DRC10: variants seen among roughly 807,000 people sequenced by gnomAD.
DRC10 encodes the protein dynein regulatory complex subunit 10.
the DRC10 span, chr12:113,200,537 ACC>A: frequency 1.6e-6 from 1 of 609,396 alleles, no homozygotes; most frequent in Non-Finnish European, 2.8e-6. Flanking sequence ...CATCCCCCCC[ACC>A]AGGGGCCCCC....
chr12:113,219,335 CTA>C, the DRC10 span, among the ~76,000 whole-genome samples: 3 of 152,340 alleles, frequency 2.0e-5, no homozygotes, highest in African/African-American at 7.2e-5. Flanking sequence ...TGTGCCTGGC[CTA>C]TGTTTAACTT....
the DRC10 span, among the ~76,000 whole-genome samples, chr12:113,196,527 C>T: frequency 1.3e-5 from 2 of 152,204 alleles, no homozygotes; most frequent in African/African-American, 4.8e-5. Context: ...GCTGGGTGGA[C>T]AAAGTCCCTG....
chr12:113,200,834 G>C, the DRC10 span: 18 of 1,503,600 alleles, frequency 1.2e-5, no homozygotes, highest in African/African-American at 6.9e-5. Flanking sequence ...AAGAGAAAGG[G>C]CTCCGTTAAT....
At chr12:113,212,647 T>G in the DRC10 span, among the ~76,000 whole-genome samples, 1 of 152,276 alleles carries the variant, frequency 6.6e-6, no homozygotes. Flanking sequence ...AAACTTGTTT[T>G]CTTTGATTAT....
the DRC10 span, chr12:113,207,334 C>G: frequency 1.1e-6 from 1 of 946,058 alleles, no homozygotes; most frequent in South Asian, 1.3e-5. Flanking sequence ...GACAACAGAG[C>G]GAGACTCCAT....
At chr12:113,207,908 C>A in the DRC10 span, 1 of 1,614,178 alleles carries the variant, frequency 6.2e-7, no homozygotes, top group Non-Finnish European at 8.5e-7. Context: ...GCCCTCATGA[C>A]GTCCTCCCCC....
chr12:113,215,381 G>A, the DRC10 span, among the ~76,000 whole-genome samples: 1 of 152,110 alleles, frequency 6.6e-6, no homozygotes, highest in African/African-American at 2.4e-5. Context: ...ATGACTTTTA[G>A]TACTACTTCA....
the DRC10 span, among the ~76,000 whole-genome samples, chr12:113,198,420 T>G: frequency 6.6e-6 from 1 of 152,196 alleles, no homozygotes; most frequent in African/African-American, 2.4e-5. Context: ...GGACATGATC[T>G]AATCTTGTTT....
At chr12:113,197,549 C>T in the DRC10 span, 5 of 1,531,918 alleles carry the variant, frequency 3.3e-6, no homozygotes, top group South Asian at 1.2e-5. Flanking sequence ...ACCTGCTTCT[C>T]ACCCATCTCT....
At chr12:113,220,435 G>A in the DRC10 span, among the ~76,000 whole-genome samples, 1 of 151,810 alleles carries the variant, frequency 6.6e-6, no homozygotes, top group Non-Finnish European at 1.5e-5. Flanking sequence ...TGTATTTTCA[G>A]TAGAGATGGG....
chr12:113,196,033 T>C, the DRC10 span: 1 of 1,263,746 alleles, frequency 7.9e-7, no homozygotes, highest in South Asian at 1.7e-5. Flanking sequence ...TCGGTCCCAG[T>C]GACATGGATG....
At chr12:113,197,001 C>T in the DRC10 span, among the ~76,000 whole-genome samples, 1 of 152,224 alleles carries the variant, frequency 6.6e-6, no homozygotes, top group Non-Finnish European at 1.5e-5. Flanking sequence ...ATCTCAGGTG[C>T]TCAATAAAAA....
At chr12:113,201,422 T>A in the DRC10 span, among the ~76,000 whole-genome samples, 2 of 152,058 alleles carry the variant, frequency 1.3e-5, no homozygotes, top group East Asian at 3.9e-4. Context: ...CTTGCACGAG[T>A]GAAGGGTACA....
At chr12:113,199,177 TC>T in the DRC10 span, among the ~76,000 whole-genome samples, 1 of 152,260 alleles carries the variant, frequency 6.6e-6, no homozygotes, top group East Asian at 1.9e-4. Flanking sequence ...CCTCAGGAGA[TC>T]CGTCTGCCTC....
the DRC10 span, chr12:113,208,481 G>A: frequency 6.5e-5 from 31 of 478,234 alleles, 1 homozygote; most frequent in South Asian, 4.1e-4. Flanking sequence ...TGTGTCAGGC[G>A]GGGACCAGCC....
chr12:113,217,861 T>C, the DRC10 span, among the ~76,000 whole-genome samples: 1 of 152,196 alleles, frequency 6.6e-6, no homozygotes, highest in African/African-American at 2.4e-5. Context: ...CCTGGATAGT[T>C]CATATAAATG....
the DRC10 span, chr12:113,200,747 CTG>C: frequency 6.5e-7 from 1 of 1,536,092 alleles, no homozygotes; most frequent in Non-Finnish European, 8.7e-7. Context: ...AGGCTGTTCT[CTG>C]AGAACTTGAG....
the DRC10 span, among the ~76,000 whole-genome samples, chr12:113,218,122 T>C: frequency 3.3e-5 from 5 of 151,544 alleles, no homozygotes; most frequent in African/African-American, 4.8e-5. Context: ...AGAGCTGAGG[T>C]TGAAAAACCC....
chr12:113,195,460 C>A, the DRC10 span: 1 of 1,425,268 alleles, frequency 7.0e-7, no homozygotes, highest in African/African-American at 1.4e-5. Flanking sequence ...GCTTCAAATA[C>A]TTTTTAATTT....
Sources: gnomAD v4.1 joint callset for allele counts (sites outside exome capture counted in the v4.1 genomes callset) on GRCh38, gnomAD v4.1.1 for gene constraint, MANE v1.5 for transcripts, NCBI Gene and HGNC (gene_info 2026-07-23, HGNC 2026-07-21) for gene names.